The following CD99L2 variants were observed in gnomAD, a reference collection of about 807,000 sequenced individuals.
CD99L2 encodes CD99 antigen-like protein 2.
Under a neutral mutation model 27.3 loss-of-function variants are expected in CD99L2, and 24 were observed. That is an observed-to-expected ratio of 0.88 (90% CI 0.64 to 1.24). The LOEUF (loss-of-function observed/expected upper bound fraction) is 1.24. CD99L2 is among the 50% of genes most tolerant of loss of function. The probability of loss-of-function intolerance (pLI) is 0.00; values close to 1 mark genes in which losing one functional copy is unlikely to be tolerated. For missense variants in CD99L2, 255 were observed against 221.6 expected (o/e 1.15, Z -0.96); for synonymous variants, 97 against 87.9 (o/e 1.10, Z -0.58).
rs1019676705 is a variant in CD99L2 at position 150,769,210 on chromosome X, C to G, written c.722-109G>C. 1.5e-4 allele frequency: 134 copies of G among 909,563 alleles called. 1 individual carries two copies. In the African/African-American group the frequency reaches 2.6e-3, roughly 17 times the overall value. The allele number at this position is 909,563 out of a possible 1,213,427, so 75.0% of individuals were successfully genotyped here. ...ACAGAACTGGGTTTCCCTTTGTATCCCCTGGGGGGCCGCTTAGCAACCTTC... is the reference window on the plus strand; with the variant it reads ...ACAGAACTGGGTTTCCCTTTGTATCGCCTGGGGGGCCGCTTAGCAACCTTC... On this transcript the variant is annotated intron_variant, in intron 10 of 10. Transcript: ENST00000370377.
chrX:150,816,114 T>G (rs1557420479), intron 2 of CD99L2, 36 bp from the exon 3 acceptor site: 1 of 1,160,713 alleles, frequency 8.6e-7, no homozygotes, highest in Admixed American at 2.2e-5. Context: ...GGGGAGCACG[T>G]TTAGTAACAA....
intron 9 of CD99L2, among the ~76,000 whole-genome samples, chrX:150,772,384 GCCTGCA>G (rs1557419127): frequency 8.9e-6 from 1 of 112,840 alleles, no homozygotes; most frequent in African/African-American, 3.2e-5. Context: ...GCTGCTCCAG[GCCTGCA>G]GGGCGAGAGG....
chrX:150,821,869 T>C (rs1341298539), intron 2 of CD99L2, among the ~76,000 whole-genome samples: 4 of 111,317 alleles, frequency 3.6e-5, no homozygotes, highest in African/African-American at 1.3e-4. Context: ...AAAAAATAAA[T>C]AAACAAGTTG....
At chrX:150,836,789 A>G (rs1208020953) in intron 1 of CD99L2, among the ~76,000 whole-genome samples, 1 of 111,835 alleles carries the variant, frequency 8.9e-6, no homozygotes, top group African/African-American at 3.3e-5. Flanking sequence ...GGTAGAGCCT[A>G]TTTCTCCTAG....
intron 1 of CD99L2, among the ~76,000 whole-genome samples, chrX:150,897,920 G>C (rs2047638194): frequency 9.1e-6 from 1 of 110,231 alleles, no homozygotes; most frequent in African/African-American, 3.3e-5. Flanking sequence ...GAGTAGCAGA[G>C]GGTCTAAGAA....
chrX:150,867,754 G>A (rs1171689547), intron 1 of CD99L2, among the ~76,000 whole-genome samples: 6 of 110,049 alleles, frequency 5.5e-5, no homozygotes, highest in East Asian at 2.9e-4. Context: ...CTAGCTGGGC[G>A]TGGTGGCATG....
At chrX:150,854,295 C>T (rs1291027284) in intron 1 of CD99L2, among the ~76,000 whole-genome samples, 1 of 111,788 alleles carries the variant, frequency 8.9e-6, no homozygotes, top group African/African-American at 3.3e-5. Context: ...GTCTGTTTTA[C>T]CTGCCTACTC....
chrX:150,777,307 T>C, intron 8 of CD99L2, 137 bp downstream of exon 8: 4 of 726,345 alleles, frequency 5.5e-6, no homozygotes, highest in Non-Finnish European at 8.2e-6. Context: ...AGCTATCTTA[T>C]TTAGGAGTAG....
At chrX:150,893,891 T>G (rs2047561531) in intron 1 of CD99L2, among the ~76,000 whole-genome samples, 1 of 110,505 alleles carries the variant, frequency 9.0e-6, no homozygotes, top group African/African-American at 3.3e-5. Flanking sequence ...AATTTTTGTA[T>G]TTTTAGTAGA....
At chrX:150,794,053 T>A (rs1175002542) in intron 6 of CD99L2, among the ~76,000 whole-genome samples, 3 of 111,238 alleles carry the variant, frequency 2.7e-5, no homozygotes, top group African/African-American at 9.8e-5. Context: ...AGGTACCAAA[T>A]CAATTTGACT....
rs782084958 is a variant in CD99L2, at chrX:150,767,713, T to C, written c.*1321A>G. On this transcript the variant is annotated 3_prime_UTR_variant, in exon 11 of 11. Transcript: ENST00000370377. ...CATGCAGACCAAAGAGGCCCGTGAG[T>C]TTTGTAAGATCCTGCCTGTCTGGTG... 6 of 110,432 alleles carry C rather than the reference T, an allele frequency of 5.4e-5. No individual in the cohort carries two copies. In the East Asian group the frequency reaches 1.7e-3, roughly 32 times the overall value. The allele number at this position is 110,432 out of a possible 1,213,427, so 9.1% of individuals were successfully genotyped here.
At chrX:150,878,522 C>A in intron 1 of CD99L2, among the ~76,000 whole-genome samples, 1 of 92,750 alleles carries the variant, frequency 1.1e-5, no homozygotes. Flanking sequence ...AATAGGAAAA[C>A]TTAATACTAC....
At chrX:150,857,184 G>A (rs1173528838) in intron 1 of CD99L2, among the ~76,000 whole-genome samples, 2 of 111,484 alleles carry the variant, frequency 1.8e-5, no homozygotes, top group African/African-American at 6.5e-5. Flanking sequence ...GAATGTAAGG[G>A]GTTGAAAAAC....
intron 1 of CD99L2, among the ~76,000 whole-genome samples, chrX:150,854,654 G>A (rs2046843010): frequency 9.0e-6 from 1 of 111,440 alleles, no homozygotes; most frequent in Non-Finnish European, 1.9e-5. Context: ...CACAGAGAGA[G>A]AAGACAATGT....
At chrX:150,861,985 G>A (rs1002203076) in intron 1 of CD99L2, among the ~76,000 whole-genome samples, 1 of 109,702 alleles carries the variant, frequency 9.1e-6, no homozygotes, top group Non-Finnish European at 1.9e-5. Context: ...TAGAAGAAAT[G>A]GATAAATTCC....
At chrX:150,771,091 G>C (rs782289841) in intron 9 of CD99L2, among the ~76,000 whole-genome samples, 1 of 112,404 alleles carries the variant, frequency 8.9e-6, no homozygotes, top group African/African-American at 3.2e-5. Context: ...TGCTTGCAGA[G>C]AGTCAAGAGT....
At chrX:150,817,620 T>G (rs1484858632) in intron 2 of CD99L2, among the ~76,000 whole-genome samples, 1 of 112,176 alleles carries the variant, frequency 8.9e-6, no homozygotes, top group Non-Finnish European at 1.9e-5. Flanking sequence ...AAGGCAAAGG[T>G]GAAACAGGTT....
At chrX:150,858,260 G>A (rs964139118) in intron 1 of CD99L2, among the ~76,000 whole-genome samples, 1 of 112,119 alleles carries the variant, frequency 8.9e-6, no homozygotes, top group Non-Finnish European at 1.9e-5. Context: ...ACTCAAATAC[G>A]ATAATGGTGG....
In CD99L2 at chrX:150,767,340, C is replaced by G. The variant is rs1032376810; in HGVS notation, c.*1694G>C. 1 of 112,249 alleles carries G rather than the reference C, an allele frequency of 8.9e-6. No homozygotes were observed. The highest frequency in any genetic ancestry group is 3.2e-5 in the African/African-American group (1 of 30,803). The allele number at this position is 112,249 out of a possible 1,213,427, so 9.3% of individuals were successfully genotyped here. ...GCTTCTCGAGACCAGGCCAAGGTTT[C>G]TTTCCTTCATGGCACCACGCAGAGG... On this transcript the variant is annotated 3_prime_UTR_variant, in exon 11 of 11. Transcript: ENST00000370377.
Sources: allele counts gnomAD v4.1 joint callset (sites outside exome capture counted in the v4.1 genomes callset), GRCh38; gene constraint gnomAD v4.1.1; transcripts MANE v1.5; gene names NCBI Gene and HGNC (gene_info 2026-07-23, HGNC 2026-07-21).